The following NPAS2 variants were observed in gnomAD, a reference collection of about 807,000 sequenced individuals.
NPAS2 encodes neuronal PAS domain-containing protein 2.
NPAS2 carries 23 observed loss-of-function variants against 107.5 expected under a neutral mutation model. The observed-to-expected ratio is 0.21, with a 90% confidence interval of 0.15 to 0.30. NPAS2 has a LOEUF of 0.30. NPAS2 is among the 10% of genes least tolerant of loss of function. The pLI is 1.00. For synonymous variants in NPAS2, 403 were observed against 417.5 expected, an observed-to-expected ratio of 0.97 and a Z score of 0.42; for missense variants, 756 against 1,043.3, an observed-to-expected ratio of 0.72 and a Z score of 3.79.
At chr2:100,839,894 A>G (rs1170265797) in intron 1 of NPAS2, among the ~76,000 whole-genome samples, 1 of 152,218 alleles carries the variant, frequency 6.6e-6, no homozygotes, top group Non-Finnish European at 1.5e-5. Context: ...AACCGTAAAC[A>G]GCTACTCTAT....
intron 2 of NPAS2, among the ~76,000 whole-genome samples, chr2:100,922,660 G>C (rs1003379959): frequency 6.6e-6 from 1 of 152,166 alleles, no homozygotes; most frequent in Admixed American, 6.5e-5. Flanking sequence ...GTCTGTGTGT[G>C]GTGGTCTCGG....
intron 5 of NPAS2, among the ~76,000 whole-genome samples, chr2:100,938,388 G>A (rs1684469350): frequency 6.6e-6 from 1 of 152,154 alleles, no homozygotes; most frequent in Admixed American, 6.5e-5. Flanking sequence ...TGGGGAGTGA[G>A]GAGTGTCTGG....
At chr2:100,942,891 C>T (rs1464318256) in intron 5 of NPAS2, among the ~76,000 whole-genome samples, 3 of 152,232 alleles carry the variant, frequency 2.0e-5, no homozygotes, top group African/African-American at 7.2e-5. Context: ...TGCTTCGCAT[C>T]TGCCTCACAC....
chr2:100,824,149 AG>A (rs1676234431), intron 1 of NPAS2, among the ~76,000 whole-genome samples: 1 of 152,204 alleles, frequency 6.6e-6, no homozygotes, highest in Non-Finnish European at 1.5e-5. Flanking sequence ...GAGGACGAAG[AG>A]GTTACTAAAA....
chr2:100,891,651 CCAAACTAATTCTGCTGCCTCAAT>C (rs1384059472), intron 1 of NPAS2, among the ~76,000 whole-genome samples: 4 of 152,228 alleles, frequency 2.6e-5, no homozygotes. Context: ...TGGCTAGTTT[CCAAACTAATTCTGCTGCCTCAAT>C]TAGCAATTCA....
intron 7 of NPAS2, among the ~76,000 whole-genome samples, chr2:100,956,739 G>A (rs921540714): frequency 2.0e-5 from 3 of 152,184 alleles, no homozygotes; most frequent in South Asian, 4.1e-4. Context: ...AGGCTGAGCT[G>A]GAGAGGGCTC....
In NPAS2 at chr2:100,937,821, G is replaced by A. The variant is rs369744449; in HGVS notation, c.342G>A (p.Thr114=). Residue 114 remains threonine (T), a synonymous_variant, in exon 5 of 21, where the codon ACG becomes ACA. Coordinates refer to ENST00000335681, the MANE Select transcript of NPAS2 (RefSeq NM_002518.4). ...GSIIYVSDSI[T]PLLGHLPSDV... ...TCATCTATGTCTCTGACAGTATCAC[G>A]CCTCTCCTTGGGCATTTACCGGTGA... is the stretch of plus-strand genomic sequence containing the variant. The A allele has an allele frequency of 1.9e-4, 299 of 1,613,774 alleles. 1 individual carries two copies. The Middle Eastern group carries it at 4.0e-3, about 21-fold the overall frequency.
chr2:100,936,614 T>C (rs1332936782), intron 4 of NPAS2, among the ~76,000 whole-genome samples: 2 of 152,112 alleles, frequency 1.3e-5, no homozygotes, highest in African/African-American at 4.8e-5. Flanking sequence ...ATTTTAGAAA[T>C]CAACTATCAG....
chr2:100,957,576 A>G (rs188102384), intron 7 of NPAS2, among the ~76,000 whole-genome samples: 1 of 152,368 alleles, frequency 6.6e-6, no homozygotes, highest in Admixed American at 6.5e-5. Context: ...CAAGTCCTGT[A>G]GCCCCACCTG....
chr2:100,956,711 G>A (rs1280054841), intron 7 of NPAS2, among the ~76,000 whole-genome samples: 1 of 152,180 alleles, frequency 6.6e-6, no homozygotes, highest in Non-Finnish European at 1.5e-5. Context: ...TAGGTTCCAG[G>A]GCAGAGGAGA....
intron 8 of NPAS2, among the ~76,000 whole-genome samples, 153 bp downstream of exon 8, chr2:100,964,329 C>T (rs574990845): frequency 2.0e-5 from 3 of 152,340 alleles, no homozygotes; most frequent in Admixed American, 2.0e-4. Flanking sequence ...TGCCTGCACA[C>T]ACGCCCTTTC....
chr2:100,879,246 T>C (rs1165552177), intron 1 of NPAS2, among the ~76,000 whole-genome samples: 1 of 152,222 alleles, frequency 6.6e-6, no homozygotes, highest in African/African-American at 2.4e-5. Flanking sequence ...TTATTGTATT[T>C]AGGGTTTACA....
At chr2:100,995,191 T>C in intron 20 of NPAS2, 1 of 481,048 alleles carries the variant, frequency 2.1e-6, no homozygotes, top group Non-Finnish European at 3.6e-6. Context: ...GCGGAGAACT[T>C]AGCTTCAGAA....
chr2:100,995,772 G>A lies in NPAS2; in HGVS notation c.*190G>A. ...TGCAGTGGAAATGATCAGGAATACT[G>A]ACCGTGTTTCTCTTGCCTCCGAGGT... On this transcript the variant is annotated 3_prime_UTR_variant, in exon 21 of 21. Transcript: ENST00000335681. The A allele has an allele frequency of 6.5e-7, 1 of 1,549,240 alleles. No homozygotes were observed. Among genetic ancestry groups the A allele is most frequent in the Middle Eastern group, 1.7e-4 (1 of 5,988 alleles).
Position 100,933,905 on chromosome 2 carries a change from T to C in NPAS2, c.273+904T>C, listed in dbSNP as rs553958504. Among the ~76,000 whole-genome samples the C allele has an allele frequency of 2.0e-5, 3 of 152,146 alleles. No individual in the cohort carries two copies. In the East Asian group the frequency reaches 5.8e-4, roughly 29 times the overall value. On this transcript the variant is annotated intron_variant, in intron 4 of 20. Transcript: ENST00000335681. ...GGTTCCTGGCAGGGTGTTTGGAGAG[T>C]GGTTTCTGGGGATAAATCTTTCTAT...
At chr2:100,836,293 G>A (rs1479882843) in intron 1 of NPAS2, among the ~76,000 whole-genome samples, 4 of 152,174 alleles carry the variant, frequency 2.6e-5, no homozygotes, top group Admixed American at 2.6e-4. Context: ...CCCCATCCCA[G>A]AGAGGTGGGA....
chr2:100,820,006 G>C (rs1675970412), upstream of NPAS2: 1 of 149,508 alleles, frequency 6.7e-6, no homozygotes, highest in South Asian at 2.1e-4. The surrounding 1 kb of genome is among the most constrained non-coding windows in gnomAD (Gnocchi z 5.6). Flanking sequence ...GGCCAGGAGA[G>C]ACCCCGCAGG....
At chr2:100,930,482 T>C (rs946730421) in intron 3 of NPAS2, among the ~76,000 whole-genome samples, 1 of 152,220 alleles carries the variant, frequency 6.6e-6, no homozygotes, top group African/African-American at 2.4e-5. Flanking sequence ...GGTTGGCTCT[T>C]AATCACAATG....
intron 1 of NPAS2, among the ~76,000 whole-genome samples, chr2:100,874,089 G>A (rs971994731): frequency 2.0e-5 from 3 of 151,774 alleles, no homozygotes; most frequent in African/African-American, 4.8e-5. Flanking sequence ...CGAGCCTTCT[G>A]TGTAGCTGCC....
Sources: allele counts gnomAD v4.1 joint callset (sites outside exome capture counted in the v4.1 genomes callset), GRCh38; gene constraint gnomAD v4.1.1; non-coding constraint Gnocchi (gnomAD v3.1); transcripts MANE v1.5; gene names NCBI Gene and HGNC (gene_info 2026-07-23, HGNC 2026-07-21).